Variants in GINS1 observed in about 807,000 individuals in gnomAD.
GINS1 encodes the protein DNA replication complex GINS protein PSF1.
Under a neutral mutation model 34.9 loss-of-function variants are expected in GINS1, and 26 were observed. The ratio of observed to expected loss-of-function variants is 0.74; its 90% CI spans 0.55 to 1.03. GINS1 has a LOEUF of 1.03. Ranked by LOEUF, GINS1 falls within the 50% of genes least tolerant of loss-of-function variation. The pLI is 0.00. For synonymous variants in GINS1, 97 were observed against 84.4 expected, an observed-to-expected ratio of 1.15 and a Z score of -0.82; for missense variants, 235 against 237.9, an observed-to-expected ratio of 0.99 and a Z score of 0.08.
At chr20:25,413,709 A>G in intron 1 of GINS1, 81 bp from the exon 2 acceptor site, 2 of 819,248 alleles carry the variant, frequency 2.4e-6, no homozygotes, top group Non-Finnish European at 4.4e-6. Context: ...TAAATGAAAG[A>G]TACAGTTCAG....
At position 25,445,960 on chromosome 20, in the gene GINS1, G is replaced by C; in HGVS notation, c.560G>C (p.Arg187Thr). ...LPRWKCEQLI[R>T]QGVLEHILS ...CGATGGAAATGTGAGCAGCTGATCA[G>C]ACAAGGAGTCCTGGAGCACATCCTG... The change falls in exon 7 of 7, where the codon AGA becomes ACA. Residue 187 changes from arginine to threonine, a missense_variant. By Grantham distance (71) the Arg-to-Thr change is moderately conservative. Transcript: ENST00000262460. The C allele has an allele frequency of 1.2e-6, 2 of 1,612,220 alleles. No homozygotes were observed. The highest frequency in any genetic ancestry group is 1.7e-6 in the Non-Finnish European group (2 of 1,178,456).
intron 1 of GINS1, among the ~76,000 whole-genome samples, chr20:25,412,137 T>C (rs1417031477): frequency 6.6e-6 from 1 of 152,092 alleles, no homozygotes; most frequent in Non-Finnish European, 1.5e-5. Flanking sequence ...AGAATTCTAA[T>C]GTTTTATTTT....
chr20:25,439,274 T>C (rs1048712483), intron 5 of GINS1, among the ~76,000 whole-genome samples: 6 of 152,184 alleles, frequency 3.9e-5, no homozygotes, highest in African/African-American at 1.4e-4. Flanking sequence ...TGCCACAAAA[T>C]CACCTTATCT....
chr20:25,442,330 A>G (rs868861416), intron 6 of GINS1, among the ~76,000 whole-genome samples: 4 of 131,478 alleles, frequency 3.0e-5, no homozygotes, highest in South Asian at 5.0e-4. Flanking sequence ...TTATCCATCT[A>G]TCTATCTATC....
intron 6 of GINS1, among the ~76,000 whole-genome samples, chr20:25,444,136 C>T (rs576401618): frequency 6.6e-6 from 1 of 151,880 alleles, no homozygotes; most frequent in Non-Finnish European, 1.5e-5. Flanking sequence ...CTCAGCCTCT[C>T]GAGTAGCTGG....
chr20:25,437,674 A>G (rs1383988288), intron 5 of GINS1, among the ~76,000 whole-genome samples: 1 of 152,230 alleles, frequency 6.6e-6, no homozygotes, highest in Admixed American at 6.5e-5. Context: ...CCTGGTATAT[A>G]TGTTCTGAGG....
At chr20:25,442,335 T>C (rs1177676687) in intron 6 of GINS1, among the ~76,000 whole-genome samples, 1 of 128,368 alleles carries the variant, frequency 7.8e-6, no homozygotes, top group South Asian at 2.6e-4. Context: ...CATCTATCTA[T>C]CTATCTGTCT....
chr20:25,439,357 C>G (rs1351342970), intron 5 of GINS1, among the ~76,000 whole-genome samples: 1 of 152,098 alleles, frequency 6.6e-6, no homozygotes, highest in African/African-American at 2.4e-5. Context: ...CCAAAGAAAT[C>G]CACAACAAAA....
At chr20:25,442,604 A>C (rs1347705900) in intron 6 of GINS1, among the ~76,000 whole-genome samples, 1 of 115,202 alleles carries the variant, frequency 8.7e-6, no homozygotes, top group African/African-American at 4.3e-5. Context: ...TACTATTATT[A>C]TTATTATTTT....
At chr20:25,441,826 G>T in intron 6 of GINS1, 50 bp downstream of exon 6, 1 of 931,064 alleles carries the variant, frequency 1.1e-6, no homozygotes, top group Non-Finnish European at 1.7e-6. Context: ...AGTGTTGTAT[G>T]GTGGAAAAGT....
chr20:25,408,623 T>C (rs1249192998), intron 1 of GINS1, among the ~76,000 whole-genome samples: 1 of 152,164 alleles, frequency 6.6e-6, no homozygotes, highest in Non-Finnish European at 1.5e-5. Context: ...TTTGGGAGGC[T>C]GAGGCGGGAG....
intron 4 of GINS1, among the ~76,000 whole-genome samples, chr20:25,422,264 C>T (rs2090360045): frequency 6.6e-6 from 1 of 152,026 alleles, no homozygotes; most frequent in African/African-American, 2.4e-5. Context: ...GCAGACTAAT[C>T]ACTTCCTTAT....
chr20:25,412,574 A>C (rs2146188033), intron 1 of GINS1, among the ~76,000 whole-genome samples: 1 of 152,324 alleles, frequency 6.6e-6, no homozygotes, highest in Middle Eastern at 3.4e-3. Flanking sequence ...ACCATTTTTT[A>C]GTAAATTATG....
chr20:25,420,975 A>G (rs1263652606), intron 4 of GINS1: 4 of 984,146 alleles, frequency 4.1e-6, no homozygotes, highest in Non-Finnish European at 4.8e-6. Context: ...ACCAGTAACA[A>G]AGAATATTTC....
chr20:25,418,324 T>C, intron 4 of GINS1, 129 bp downstream of exon 4: 1 of 669,442 alleles, frequency 1.5e-6, no homozygotes, highest in South Asian at 1.7e-5. Context: ...TTGGCTGGTA[T>C]TTAGTATATA....
intron 5 of GINS1, among the ~76,000 whole-genome samples, chr20:25,428,435 T>A (rs867851641): frequency 7.7e-4 from 102 of 132,156 alleles, no homozygotes; most frequent in African/African-American, 2.9e-3. Flanking sequence ...ACAGAGTCTC[T>A]GTCTGTCGCC....
chr20:25,435,362 A>T (rs2090448356), intron 5 of GINS1, among the ~76,000 whole-genome samples: 1 of 152,168 alleles, frequency 6.6e-6, no homozygotes, highest in African/African-American at 2.4e-5. Context: ...GCAGTGGCAC[A>T]ATCATAGCTC....
intron 5 of GINS1, among the ~76,000 whole-genome samples, chr20:25,435,911 C>T (rs2090452783): frequency 6.8e-6 from 1 of 148,100 alleles, no homozygotes; most frequent in African/African-American, 2.5e-5. Flanking sequence ...CTCCCGGGTT[C>T]ATGCCATTCT....
intron 2 of GINS1, among the ~76,000 whole-genome samples, chr20:25,415,331 G>A (rs777204133): frequency 1.3e-5 from 2 of 152,180 alleles, no homozygotes; most frequent in Non-Finnish European, 2.9e-5. Flanking sequence ...ACTCAAATAT[G>A]TACTAAACAA....
Sources: allele counts gnomAD v4.1 joint callset (sites outside exome capture counted in the v4.1 genomes callset), GRCh38; gene constraint gnomAD v4.1.1; transcripts MANE v1.5; gene names NCBI Gene and HGNC (gene_info 2026-07-23, HGNC 2026-07-21).